The following NOSTRIN variants were observed in gnomAD, a reference collection of about 807,000 sequenced individuals.
NOSTRIN encodes nitric oxide synthase trafficking.
In NOSTRIN, 63 loss-of-function variants were observed where a neutral mutation model predicts 59.0. The ratio of observed to expected loss-of-function variants is 1.07; its 90% CI spans 0.87 to 1.32. The LOEUF (loss-of-function observed/expected upper bound fraction) is 1.32, where lower values mean the gene tolerates loss of function less well. Among genes scored for constraint, NOSTRIN ranks in the 40% most tolerant of loss-of-function variants. NOSTRIN has a pLI of 0.00. For missense variants in NOSTRIN, 512 were observed against 473.1 expected (o/e 1.08, Z -0.76); for synonymous variants, 200 against 165.4 (o/e 1.21, Z -1.61).
upstream of NOSTRIN, chr2:168,802,583 C>A (rs73969958): frequency 3.3e-3 from 2,780 of 851,112 alleles, 49 homozygotes; most frequent in African/African-American, 0.032. Context: ...CACACCCAAC[C>A]TTGATTACAG....
In NOSTRIN at chr2:168,833,748, G is replaced by T. The variant is rs6724664; in HGVS notation, c.406-479G>T. ...TGCCAGACAAATGCCCAACTCTCAG[G>T]CTTGGCCATCAGGGAGCAGAATTGT... On this transcript the variant is annotated intron_variant, in intron 6 of 15. Coordinates refer to ENST00000317647, the MANE Select transcript of NOSTRIN (RefSeq NM_001039724.4). Among the ~76,000 whole-genome samples the T allele has an allele frequency of 5.7e-3, 863 of 152,244 alleles. 13 individuals carry two copies. The highest frequency in any genetic ancestry group is 0.02 in the African/African-American group (828 of 41,524).
chr2:168,811,717 A>G (rs1369281726), intron 2 of NOSTRIN, 65 bp downstream of exon 2: 1 of 690,590 alleles, frequency 1.4e-6, no homozygotes, highest in Non-Finnish European at 2.5e-6. Context: ...ATATGACTGG[A>G]GGAGTGATTA....
At chr2:168,802,371 C>T (rs748943907), upstream of NOSTRIN, 5 of 408,404 alleles carry the variant, frequency 1.2e-5, no homozygotes, top group East Asian at 4.6e-5. Flanking sequence ...CTCAATGTTA[C>T]GCTGTTCAGG....
intron 10 of NOSTRIN, among the ~76,000 whole-genome samples, chr2:168,854,966 G>A (rs1056063618): frequency 1.3e-5 from 2 of 152,122 alleles, no homozygotes; most frequent in Non-Finnish European, 2.9e-5. Flanking sequence ...GTCATAGCCT[G>A]AAACACATAC....
At chr2:168,795,786 C>G (rs1018792277), upstream of NOSTRIN, among the ~76,000 whole-genome samples, 1 of 152,126 alleles carries the variant, frequency 6.6e-6, no homozygotes, top group Non-Finnish European at 1.5e-5. Context: ...TTAGTACAAA[C>G]AGCATAAAAG....
At chr2:168,844,077 G>T (rs1410597759) in intron 8 of NOSTRIN, among the ~76,000 whole-genome samples, 1 of 152,166 alleles carries the variant, frequency 6.6e-6, no homozygotes, top group Non-Finnish European at 1.5e-5. Context: ...ATGATGTTGA[G>T]GAAAAGAAAT....
chr2:168,828,692 G>A (rs1341663196), intron 5 of NOSTRIN, among the ~76,000 whole-genome samples, 191 bp downstream of exon 5: 1 of 152,000 alleles, frequency 6.6e-6, no homozygotes, highest in Non-Finnish European at 1.5e-5. Context: ...GTACAAGGAT[G>A]TTTGTTAGAG....
chr2:168,839,759 G>A, intron 7 of NOSTRIN, among the ~76,000 whole-genome samples: 1 of 151,282 alleles, frequency 6.6e-6, no homozygotes, highest in Non-Finnish European at 1.5e-5. Flanking sequence ...GGTGGCACAT[G>A]CCTGTAATCC....
chr2:168,860,371 T>A (rs993508956), intron 13 of NOSTRIN, among the ~76,000 whole-genome samples: 2 of 152,196 alleles, frequency 1.3e-5, no homozygotes, highest in African/African-American at 4.8e-5. Flanking sequence ...TTTATACCCC[T>A]CAGTTTAAAA....
chr2:168,797,607 A>C (rs369643844), upstream of NOSTRIN, among the ~76,000 whole-genome samples: 9 of 152,322 alleles, frequency 5.9e-5, no homozygotes, highest in Admixed American at 3.3e-4. Context: ...AGATACAAAA[A>C]TAACATGTCA....
intron 1 of NOSTRIN, among the ~76,000 whole-genome samples, chr2:168,810,670 G>C (rs1686082209): frequency 6.6e-6 from 1 of 152,156 alleles, no homozygotes; most frequent in Non-Finnish European, 1.5e-5. Flanking sequence ...AATCCATACT[G>C]AATTTGGGTC....
At chr2:168,862,848 A>G (rs1340331353) in intron 15 of NOSTRIN, among the ~76,000 whole-genome samples, 1 of 152,214 alleles carries the variant, frequency 6.6e-6, no homozygotes, top group Non-Finnish European at 1.5e-5. Flanking sequence ...GAGTAACGTT[A>G]TGGGAGAAAG....
intron 1 of NOSTRIN, among the ~76,000 whole-genome samples, chr2:168,805,950 A>G (rs1685830315): frequency 6.6e-6 from 1 of 152,174 alleles, no homozygotes; most frequent in African/African-American, 2.4e-5. Flanking sequence ...ATGCCATTCC[A>G]CATTTCTTGG....
Position 168,859,545 on chromosome 2 carries a change from T to C in NOSTRIN, c.1087T>C (p.Ser363Pro), listed in dbSNP as rs1197449090. The change falls in exon 13 of 16, where the codon TCC (serine) becomes CCC (proline). Residue 363 changes from serine (S) to proline (P), a missense_variant. Transcript: ENST00000317647. Reference protein sequence around the residue: ...NLKLDLLEANSYKLSSMLAEL... With the variant: ...NLKLDLLEANPYKLSSMLAEL... ...GAAACTAGACCTTTTGGAAGCGAAC[T>C]CCTACAAACTGTCATCAATGTTAGC... The C allele has an allele frequency of 6.2e-7, 1 of 1,614,090 alleles. No individual in the cohort carries two copies. The highest frequency in any genetic ancestry group is 8.5e-7 in the Non-Finnish European group (1 of 1,179,984).
At chr2:168,841,249 AAAAAAAAAAAAAG>A (rs1349816479) in intron 7 of NOSTRIN, among the ~76,000 whole-genome samples, 1 of 55,290 alleles carries the variant, frequency 1.8e-5, no homozygotes. Context: ...AAAAAAAAAA[AAAAAAAAAAAAAG>A]AAAAGAAAAA....
chr2:168,840,729 C>T (rs947302018), intron 7 of NOSTRIN, among the ~76,000 whole-genome samples: 2 of 152,050 alleles, frequency 1.3e-5, no homozygotes, highest in Admixed American at 6.6e-5. Flanking sequence ...TCCATTTTAA[C>T]AGCCTTTGTC....
At chr2:168,834,507 G>GCGCGCGCGCGCGCACA (rs756381301) in intron 7 of NOSTRIN, among the ~76,000 whole-genome samples, 182 bp downstream of exon 7, 5 of 125,342 alleles carry the variant, frequency 4.0e-5, no homozygotes, top group South Asian at 2.8e-4. Context: ...GCGCGCGCGC[G>GCGCGCGCGCGCGCACA]CACACACACA....
chr2:168,848,269 C>T (rs1393330741), intron 8 of NOSTRIN, among the ~76,000 whole-genome samples: 1 of 152,172 alleles, frequency 6.6e-6, no homozygotes, highest in Non-Finnish European at 1.5e-5. Context: ...ATCTGGGAGA[C>T]AGAAGGGCAG....
At chr2:168,827,396 A>G (rs987062491) in intron 3 of NOSTRIN, among the ~76,000 whole-genome samples, 2 of 152,030 alleles carry the variant, frequency 1.3e-5, no homozygotes, top group African/African-American at 2.4e-5. Flanking sequence ...CAGGAACTGG[A>G]CTCCAACCCC....
Sources: allele counts gnomAD v4.1 joint callset (sites outside exome capture counted in the v4.1 genomes callset), GRCh38; gene constraint gnomAD v4.1.1; transcripts MANE v1.5; gene names NCBI Gene and HGNC (gene_info 2026-07-23, HGNC 2026-07-21).